Variants in SLC35E4 observed in about 807,000 individuals in gnomAD.
SLC35E4 encodes solute carrier family 35 member E4.
In SLC35E4, 15 loss-of-function variants were observed where a neutral mutation model predicts 19.3. The observed-to-expected ratio is 0.78, with a 90% CI of 0.52 to 1.20. The LOEUF (loss-of-function observed/expected upper bound fraction) is 1.20. SLC35E4 is among the 50% of genes most tolerant of loss of function. The pLI is 0.00. For missense variants in SLC35E4, 406 were observed against 472.3 expected (o/e 0.86, Z 1.30); for synonymous variants, 219 against 219.9 (o/e 1.00, Z 0.04).
chr22:30,642,008 A>G, intron 1 of SLC35E4, among the ~76,000 whole-genome samples: 1 of 151,840 alleles, frequency 6.6e-6, no homozygotes, highest in East Asian at 1.9e-4. Flanking sequence ...AGGGCCTGAG[A>G]TAGGCTTTTT....
intron 2 of SLC35E4, among the ~76,000 whole-genome samples, chr22:30,659,089 A>T (rs2088404589): frequency 7.0e-6 from 1 of 141,946 alleles, no homozygotes; most frequent in Admixed American, 7.6e-5. Flanking sequence ...GCGCCATTGC[A>T]CTCCAGCCTA....
At chr22:30,650,272 C>T (rs576684739), downstream of SLC35E4, among the ~76,000 whole-genome samples, 92 of 151,356 alleles carry the variant, frequency 6.1e-4, no homozygotes, top group Non-Finnish European at 1.0e-3. Context: ...GCGGAGGTTG[C>T]AGTGAGCCGA....
downstream of SLC35E4, chr22:30,667,520 T>TA (rs2088722316): frequency 6.6e-6 from 1 of 152,214 alleles, no homozygotes; most frequent in African/African-American, 2.4e-5. Context: ...GGGGAAGCCT[T>TA]AGGCAAGGTT....
Position 30,647,707 on chromosome 22 carries a change from G to C in SLC35E4, c.*676G>C, listed in dbSNP as rs1569060612. 1 of 152,248 alleles carries C rather than the reference G, an allele frequency of 6.6e-6. No individual in the cohort carries two copies. The highest frequency in any genetic ancestry group is 2.4e-5 in the African/African-American group (1 of 41,446). 9.4% of individuals were successfully genotyped at this position (152,248 alleles called of 1,614,324 possible). On this transcript the variant is annotated 3_prime_UTR_variant, in exon 2 of 2. Transcript: ENST00000343605. ...TACAATGACGATGATGATGATTCTT[G>C]GCGGTTACACAATCCTTCCTCCTGG... is the stretch of plus-strand genomic sequence containing the variant.
rs550196940 is a variant in SLC35E4, at chr22:30,647,057, TG to T, written c.*29del. 8.5e-4 allele frequency: 1,333 copies of T among 1,566,858 alleles called. 16 individuals carry two copies. The South Asian group carries it at 0.015, about 18-fold the overall frequency. On this transcript the variant is annotated 3_prime_UTR_variant, in exon 2 of 2. Transcript: ENST00000343605. ...GACCTGGGGGATCTCAGGAGCCACCTGGGATGGCCCTGGCCTGAATCCAGCC... is the reference window on the plus strand; with the variant it reads ...GACCTGGGGGATCTCAGGAGCCACCTGGATGGCCCTGGCCTGAATCCAGCC...
chr22:30,663,456 C>A (rs772310401), downstream of SLC35E4: 6 of 1,610,750 alleles, frequency 3.7e-6, no homozygotes, highest in South Asian at 1.1e-5. Context: ...AATCATCAAA[C>A]GGACTTCCTT....
chr22:30,663,516 G>A (rs2088545106), downstream of SLC35E4: 5 of 1,614,230 alleles, frequency 3.1e-6, no homozygotes, highest in Non-Finnish European at 2.5e-6. Flanking sequence ...CATGTGCACA[G>A]TGTTCTTGCC....
intron 1 of SLC35E4, among the ~76,000 whole-genome samples, chr22:30,641,175 G>C (rs8138932): frequency 0.58 from 87,698 of 152,154 alleles, 26,105 homozygotes; most frequent in African/African-American, 0.7. Flanking sequence ...TGCTGAGAAA[G>C]AGTCAGTGCT....
chr22:30,651,223 CAG>C (rs1486060353), downstream of SLC35E4, among the ~76,000 whole-genome samples: 2 of 143,856 alleles, frequency 1.4e-5, no homozygotes, highest in Non-Finnish European at 3.0e-5. Flanking sequence ...TTTTTTGAGA[CAG>C]AGTTTCGCTC....
Position 30,643,001 on chromosome 22 carries a change from G to A in SLC35E4, c.620-3597G>A, listed in dbSNP as rs1489085050. ...GCCCAGATAGCGCTACTACACTCCA[G>A]CCTGGGCGACAGAGTGAGACTCCGT... On this transcript the variant is annotated intron_variant, in intron 1 of 1. Transcript: ENST00000343605. 2.0e-5 allele frequency among the ~76,000 whole-genome samples: 3 copies of A among 150,144 alleles called. No individual in the cohort carries two copies. In the East Asian group the frequency reaches 5.8e-4, roughly 29 times the overall value.
At chr22:30,651,371 T>TTGTGTGTGTGTG (rs1555899346), downstream of SLC35E4, among the ~76,000 whole-genome samples, 1 of 41,228 alleles carries the variant, frequency 2.4e-5, no homozygotes, top group African/African-American at 1.1e-4. Context: ...TGGCTAATTT[T>TTGTGTGTGTGTG]TGTGTGTGTG....
chr22:30,637,370 TG>T (rs2087968614), intron 1 of SLC35E4, among the ~76,000 whole-genome samples: 1 of 152,156 alleles, frequency 6.6e-6, no homozygotes, highest in Non-Finnish European at 1.5e-5. Flanking sequence ...CTCCGCATCC[TG>T]GGTTCAAGTG....
Position 30,636,572 on chromosome 22 carries a change from T to A in SLC35E4, c.122T>A (p.Leu41His). The A allele has an allele frequency of 6.3e-7, 1 of 1,584,484 alleles. No homozygotes were observed. The change falls in exon 1 of 2, where the codon CTC (leucine) becomes CAC (histidine). Residue 41 changes from leucine to histidine, a missense_variant. Transcript: ENST00000343605. ...TGGCCCCCTGGCAGCCCTCAGGCCC[T>A]CCGGCAGCCTGGCCGGGCCCGAGTG... ...PEWPPGSPQA[L>H]RQPGRARVAM...
chr22:30,644,080 A>G (rs1476867949), intron 1 of SLC35E4, among the ~76,000 whole-genome samples: 9 of 152,184 alleles, frequency 5.9e-5, no homozygotes, highest in Non-Finnish European at 7.3e-5. Flanking sequence ...GTTCACCTGA[A>G]AACCCAACCG....
chr22:30,657,670 C>T (rs1413324484), intron 2 of SLC35E4, among the ~76,000 whole-genome samples: 7 of 151,140 alleles, frequency 4.6e-5, no homozygotes, highest in Non-Finnish European at 7.4e-5. Flanking sequence ...TTTGGGAGGC[C>T]GAGTCAGGTG....
At chr22:30,663,262 T>C in exon 3 of SLC35E4, 2 of 676,570 alleles carry the variant, frequency 3.0e-6, no homozygotes, top group Admixed American at 3.1e-5. Context: ...TAGTTTAATC[T>C]TAAAAAAAAT....
intron 2 of SLC35E4, among the ~76,000 whole-genome samples, chr22:30,657,330 G>C (rs1174879581): frequency 6.6e-6 from 1 of 151,264 alleles, no homozygotes; most frequent in East Asian, 1.9e-4. Context: ...GTGGGGGCGG[G>C]CACCTGTAAT....
downstream of SLC35E4, chr22:30,665,425 C>T (rs1172154274): frequency 4.6e-6 from 2 of 438,200 alleles, no homozygotes; most frequent in Admixed American, 5.1e-5. Context: ...TAGGGACAAC[C>T]TGTCCTCTCC....
chr22:30,655,454 A>C (rs1415590737), intron 2 of SLC35E4, among the ~76,000 whole-genome samples: 1 of 150,780 alleles, frequency 6.6e-6, no homozygotes, highest in African/African-American at 2.4e-5. Flanking sequence ...AAAAAGAAAA[A>C]GAAAAAAAGA....
Sources: allele counts gnomAD v4.1 joint callset (sites outside exome capture counted in the v4.1 genomes callset), GRCh38; gene constraint gnomAD v4.1.1; transcripts MANE v1.5; gene names NCBI Gene and HGNC (gene_info 2026-07-23, HGNC 2026-07-21).